Variants in GPR39 observed in about 807,000 individuals in gnomAD.
The protein encoded by GPR39 is zinc sensing receptor.
In GPR39, 23 loss-of-function variants were observed where a neutral mutation model predicts 18.4. That is an observed-to-expected ratio of 1.25 (90% CI 0.90 to 1.77). The LOEUF (loss-of-function observed/expected upper bound fraction) is 1.77, where lower values mean the gene tolerates loss of function less well. Among genes scored for constraint, GPR39 ranks in the 40% most tolerant of loss-of-function variants. GPR39 has a pLI of 0.00. For missense variants in GPR39, 647 were observed against 602.4 expected, an observed-to-expected ratio of 1.07 and a Z score of -0.78; for synonymous variants, 280 against 257.9, an observed-to-expected ratio of 1.09 and a Z score of -0.82.
At chr2:132,432,460 CTG>C (rs2104759689) in intron 1 of GPR39, among the ~76,000 whole-genome samples, 1 of 152,324 alleles carries the variant, frequency 6.6e-6, no homozygotes, top group East Asian at 1.9e-4. Flanking sequence ...ATAGCATCCT[CTG>C]TGTGTGTCAA....
At chr2:132,477,687 T>A (rs1360245998) in intron 1 of GPR39, among the ~76,000 whole-genome samples, 1 of 152,214 alleles carries the variant, frequency 6.6e-6, no homozygotes, top group East Asian at 1.9e-4. Flanking sequence ...TGGGCTGTTT[T>A]TCTGTAGTTT....
chr2:132,522,520 A>G (rs911426254), intron 1 of GPR39, among the ~76,000 whole-genome samples: 1 of 152,252 alleles, frequency 6.6e-6, no homozygotes, highest in African/African-American at 2.4e-5. Context: ...TTTAATCTTT[A>G]CAATTACCGT....
chr2:132,480,123 T>G (rs1468016885), intron 1 of GPR39, among the ~76,000 whole-genome samples: 2 of 152,204 alleles, frequency 1.3e-5, no homozygotes, highest in African/African-American at 4.8e-5. Flanking sequence ...TGGATGAACC[T>G]TAAAGGCATT....
intron 1 of GPR39, among the ~76,000 whole-genome samples, chr2:132,597,929 A>G (rs1003561227): frequency 6.6e-6 from 1 of 152,208 alleles, no homozygotes; most frequent in African/African-American, 2.4e-5. Context: ...GTACCCATGC[A>G]TAGTGATCAT....
At chr2:132,566,855 T>C (rs1246001122) in intron 1 of GPR39, among the ~76,000 whole-genome samples, 2 of 152,224 alleles carry the variant, frequency 1.3e-5, no homozygotes, top group Middle Eastern at 3.2e-3. Context: ...CCCGTGAACA[T>C]TTTTCTGTTC....
chr2:132,570,052 C>T (rs1305017645), intron 1 of GPR39, among the ~76,000 whole-genome samples: 1 of 152,180 alleles, frequency 6.6e-6, no homozygotes, highest in Non-Finnish European at 1.5e-5. Context: ...GGAAGCAGAA[C>T]TGGGACTGGG....
At chr2:132,594,311 G>C (rs1338815284) in intron 1 of GPR39, among the ~76,000 whole-genome samples, 1 of 151,962 alleles carries the variant, frequency 6.6e-6, no homozygotes, top group Non-Finnish European at 1.5e-5. Flanking sequence ...GTCTTTTTTG[G>C]CTAAAATGAT....
At chr2:132,425,548 G>T (rs1253703571) in intron 1 of GPR39, among the ~76,000 whole-genome samples, 1 of 152,134 alleles carries the variant, frequency 6.6e-6, no homozygotes, top group East Asian at 1.9e-4. Flanking sequence ...AAAATGCCTG[G>T]TCCATAAGGT....
chr2:132,451,936 T>C (rs532249381), intron 1 of GPR39, among the ~76,000 whole-genome samples: 34 of 152,304 alleles, frequency 2.2e-4, no homozygotes, highest in African/African-American at 8.2e-4. Flanking sequence ...AACTCTTGGG[T>C]GGCTGAAAAC....
intron 1 of GPR39, among the ~76,000 whole-genome samples, chr2:132,430,397 T>A (rs1680204489): frequency 6.6e-6 from 1 of 152,128 alleles, no homozygotes; most frequent in Non-Finnish European, 1.5e-5. Context: ...ACCTTGACTT[T>A]AGTAACTGTG....
chr2:132,481,411 C>A (rs1681231141), intron 1 of GPR39, among the ~76,000 whole-genome samples: 1 of 152,140 alleles, frequency 6.6e-6, no homozygotes, highest in Admixed American at 6.5e-5. Flanking sequence ...GATAATCACC[C>A]ATTTGAGTAT....
intron 1 of GPR39, among the ~76,000 whole-genome samples, chr2:132,529,438 A>G (rs999745789): frequency 7.9e-5 from 12 of 152,218 alleles, no homozygotes; most frequent in African/African-American, 2.7e-4. Context: ...CAGGGCACAG[A>G]CAAACAAAAG....
chr2:132,511,160 C>G (rs994735348), intron 1 of GPR39, among the ~76,000 whole-genome samples: 3 of 152,134 alleles, frequency 2.0e-5, no homozygotes, highest in Non-Finnish European at 2.9e-5. Flanking sequence ...GCAAGGTTTG[C>G]CTGTTTCTGA....
intron 1 of GPR39, among the ~76,000 whole-genome samples, chr2:132,518,431 T>A (rs1679370240): frequency 6.6e-6 from 1 of 152,218 alleles, no homozygotes; most frequent in Admixed American, 6.5e-5. Flanking sequence ...TTTCTCCAAC[T>A]TGATGAATGT....
intron 1 of GPR39, among the ~76,000 whole-genome samples, chr2:132,466,594 G>T (rs1680930962): frequency 6.6e-6 from 1 of 151,962 alleles, no homozygotes; most frequent in African/African-American, 2.4e-5. Flanking sequence ...TACAAAGAGG[G>T]CAGCATAACC....
chr2:132,591,060 G>A (rs907287605), intron 1 of GPR39, among the ~76,000 whole-genome samples: 1 of 150,408 alleles, frequency 6.6e-6, no homozygotes, highest in African/African-American at 2.5e-5. Flanking sequence ...GACCATCCTG[G>A]CTAACAAGGT....
At chr2:132,513,332 G>C (rs1395368310) in intron 1 of GPR39, among the ~76,000 whole-genome samples, 2 of 152,114 alleles carry the variant, frequency 1.3e-5, no homozygotes, top group Non-Finnish European at 2.9e-5. Context: ...GCGAGGTGGC[G>C]GGCGCCTGTA....
At chr2:132,602,578 CA>C (rs1164023018) in intron 1 of GPR39, among the ~76,000 whole-genome samples, 2 of 151,876 alleles carry the variant, frequency 1.3e-5, no homozygotes, top group Non-Finnish European at 2.9e-5. Flanking sequence ...GCAAAGGAAA[CA>C]ATGAAGTGGG....
At chr2:132,484,760 T>A (rs1681299116) in intron 1 of GPR39, among the ~76,000 whole-genome samples, 1 of 152,224 alleles carries the variant, frequency 6.6e-6, no homozygotes, top group Admixed American at 6.5e-5. Flanking sequence ...TCACACACCC[T>A]CACACAGTTT....
Sources: gnomAD v4.1 joint callset for allele counts (sites outside exome capture counted in the v4.1 genomes callset) on GRCh38, gnomAD v4.1.1 for gene constraint, MANE v1.5 for transcripts, NCBI Gene and HGNC (gene_info 2026-07-23, HGNC 2026-07-21) for gene names.